The following PLXNC1 variants were observed in gnomAD, a reference collection of about 807,000 sequenced individuals.
PLXNC1 encodes plexin C1, also known as plexin-C1.
Under a neutral mutation model 178.2 loss-of-function variants are expected in PLXNC1, and 75 were observed. The observed-to-expected ratio is 0.42, with a 90% CI of 0.35 to 0.51. The LOEUF is 0.51. Ranked by LOEUF, PLXNC1 falls within the 20% of genes least tolerant of loss-of-function variation. The pLI is 0.02. For synonymous variants in PLXNC1, 790 were observed against 779.9 expected, an observed-to-expected ratio of 1.01 and a Z score of -0.22; for missense variants, 1,503 against 1,984.4, an observed-to-expected ratio of 0.76 and a Z score of 4.61.
chr12:94,235,244 C>T (rs1028631624), intron 9 of PLXNC1, among the ~76,000 whole-genome samples: 3 of 152,066 alleles, frequency 2.0e-5, no homozygotes, highest in Non-Finnish European at 4.4e-5. Flanking sequence ...GGTCTCCACT[C>T]AGGGAAATAA....
At chr12:94,221,903 A>G (rs562372066) in intron 6 of PLXNC1, among the ~76,000 whole-genome samples, 1 of 152,344 alleles carries the variant, frequency 6.6e-6, no homozygotes, top group African/African-American at 2.4e-5. Flanking sequence ...TAATACTATC[A>G]CATTGGGTAT....
At chr12:94,186,257 G>C in intron 3 of PLXNC1, 116 bp from the exon 4 acceptor site, 1 of 685,460 alleles carries the variant, frequency 1.5e-6, no homozygotes, top group Non-Finnish European at 2.7e-6. Flanking sequence ...CCAGTATGGA[G>C]GTGTTGAGTT....
chr12:94,174,186 A>G (rs1961960586), intron 2 of PLXNC1, among the ~76,000 whole-genome samples: 2 of 150,488 alleles, frequency 1.3e-5, no homozygotes. Context: ...TCTTTTGTTT[A>G]TTTTTTTTTC....
chr12:94,280,486 T>C (rs1966356783), intron 22 of PLXNC1, among the ~76,000 whole-genome samples: 1 of 152,202 alleles, frequency 6.6e-6, no homozygotes, highest in Non-Finnish European at 1.5e-5. Flanking sequence ...AGGCCATTGA[T>C]AAAGCCTTGA....
At chr12:94,259,489 T>G (rs1964938019) in intron 18 of PLXNC1, 114 bp downstream of exon 18, 1 of 1,182,500 alleles carries the variant, frequency 8.5e-7, no homozygotes, top group Non-Finnish European at 1.2e-6. Flanking sequence ...GGGTTTTTTT[T>G]GGATCATGAA....
At chr12:94,206,447 C>G (rs1397351292) in intron 4 of PLXNC1, among the ~76,000 whole-genome samples, 2 of 151,348 alleles carry the variant, frequency 1.3e-5, no homozygotes, top group Non-Finnish European at 2.9e-5. Context: ...CAGTGTTTTT[C>G]ACATAAGGGA....
chr12:94,304,026 A>C lies in PLXNC1; in HGVS notation c.4577A>C (p.Lys1526Thr), dbSNP rs1196658975. Residue 1526 changes from lysine to threonine, a missense_variant, in exon 30 of 31, where the codon AAA becomes ACA. Around this residue, in one of 4 missense-constraint regions of PLXNC1, gnomAD observed 639 missense variants for 979.7 expected, o/e 0.65. Transcript: ENST00000258526. ...GAAGTGGCCTTGACAGAAATTTACA[A>C]ATACATCGTAAAATATTTTGATGAG... ...NEEVALTEIY[K>T]YIVKYFDEIL... The C allele has an allele frequency of 1.3e-6, 2 of 1,568,882 alleles. No individual in the cohort carries two copies. Among genetic ancestry groups the C allele is most frequent in the African/African-American group, 2.7e-5 (2 of 73,968 alleles).
At chr12:94,230,055 G>A (rs1197120752) in intron 9 of PLXNC1, among the ~76,000 whole-genome samples, 2 of 152,114 alleles carry the variant, frequency 1.3e-5, no homozygotes, top group Non-Finnish European at 2.9e-5. Flanking sequence ...ATCATCACAA[G>A]GCTCCCCAGG....
intron 10 of PLXNC1, among the ~76,000 whole-genome samples, chr12:94,238,041 T>C (rs887183430): frequency 6.6e-6 from 1 of 152,206 alleles, no homozygotes; most frequent in Non-Finnish European, 1.5e-5. Context: ...TCTCAGTATA[T>C]AGTCATTTCA....
chr12:94,181,182 G>A (rs557793899), intron 2 of PLXNC1, among the ~76,000 whole-genome samples: 3 of 151,776 alleles, frequency 2.0e-5, no homozygotes, highest in South Asian at 4.2e-4. Flanking sequence ...GGTGGATCAC[G>A]AGGTCAGGAG....
intron 21 of PLXNC1, among the ~76,000 whole-genome samples, chr12:94,274,155 TAAAAAAAA>T (rs3060881): frequency 0.1 from 4,731 of 45,356 alleles, 181 homozygotes; most frequent in Middle Eastern, 0.16. Flanking sequence ...ACCCTGTCTC[TAAAAAAAA>T]AAAAAAAAAA....
At chr12:94,157,208 A>G (rs1451564368) in intron 1 of PLXNC1, among the ~76,000 whole-genome samples, 1 of 152,342 alleles carries the variant, frequency 6.6e-6, no homozygotes, top group Middle Eastern at 3.4e-3. Flanking sequence ...AAGAGGATCA[A>G]ACATGCAATT....
At chr12:94,268,795 G>T (rs1056141379) in intron 21 of PLXNC1, among the ~76,000 whole-genome samples, 1 of 151,794 alleles carries the variant, frequency 6.6e-6, no homozygotes, top group Non-Finnish European at 1.5e-5. Context: ...GGTTTTCGCC[G>T]TGTTGGCTAG....
rs375701610 is a variant in PLXNC1, at chr12:94,248,151, G to T, written c.2592+45G>T. 82 of 1,597,508 alleles carry T rather than the reference G, an allele frequency of 5.1e-5. No individual in the cohort carries two copies. The African/African-American group carries it at 1.0e-3, about 20-fold the overall frequency. On this transcript the variant is annotated intron_variant, in intron 13 of 30. Coordinates refer to ENST00000258526, the MANE Select transcript of PLXNC1 (RefSeq NM_005761.3). ...GGGTGGGATGTCACCCCGACCCCTT[G>T]ACTGGAAAGGTGTGTTTATGCTCGT...
chr12:94,181,469 T>G lies in PLXNC1; in HGVS notation c.1227T>G (p.Thr409=). Reference sequence around the variant, plus strand: ...AGGTTATTCTTGGTGAGAATTTGACTTCAAATTGTCCAGAGGTTATCTATG... The same window carrying G: ...AGGTTATTCTTGGTGAGAATTTGACGTCAAATTGTCCAGAGGTTATCTATG... ...LLKVILGENL[T]SNCPEVIYEI... is the part of the protein sequence containing the mutation. Residue 409 remains threonine (T), a synonymous_variant, in exon 3 of 31, where the codon ACT becomes ACG. Transcript: ENST00000258526. 6.3e-7 allele frequency: 1 copy of G among 1,575,280 alleles called. No individual in the cohort carries two copies. The highest frequency in any genetic ancestry group is 1.7e-5 in the Admixed American group (1 of 57,980).
intron 24 of PLXNC1, among the ~76,000 whole-genome samples, chr12:94,296,678 T>G (rs772429577): frequency 1.8e-4 from 28 of 152,216 alleles, no homozygotes; most frequent in Non-Finnish European, 3.5e-4. Flanking sequence ...TTCATTAGAT[T>G]CAGCTCAAGC....
At chr12:94,281,603 A>T (rs1020789606) in intron 22 of PLXNC1, among the ~76,000 whole-genome samples, 19 of 84,312 alleles carry the variant, frequency 2.3e-4, no homozygotes, top group Admixed American at 3.6e-4. Flanking sequence ...AAAAAATTTT[A>T]TAGAGACAAG....
chr12:94,200,291 A>G (rs1426058431), intron 4 of PLXNC1, among the ~76,000 whole-genome samples: 1 of 152,214 alleles, frequency 6.6e-6, no homozygotes, highest in Non-Finnish European at 1.5e-5. Context: ...GCACTTTCAT[A>G]AGAATGTATT....
chr12:94,258,958 G>GTA (rs1163860911), intron 17 of PLXNC1, among the ~76,000 whole-genome samples: 41 of 152,312 alleles, frequency 2.7e-4, no homozygotes, highest in African/African-American at 9.4e-4. Context: ...ACTTAACAAC[G>GTA]TAATTTAGTC....
Sources: gnomAD v4.1 joint callset for allele counts (sites outside exome capture counted in the v4.1 genomes callset) on GRCh38, gnomAD v4.1.1 for gene constraint, gnomAD v4.1.1 regional missense constraint, MANE v1.5 for transcripts, NCBI Gene and HGNC (gene_info 2026-07-23, HGNC 2026-07-21) for gene names.